MEOX2: variants seen among roughly 807,000 people sequenced by gnomAD.
MEOX2 encodes mesenchyme homeobox 2, also known as homeobox protein MOX-2.
Under a neutral mutation model 27.0 loss-of-function variants are expected in MEOX2, and 11 were observed. The observed-to-expected ratio is 0.41, with a 90% CI of 0.26 to 0.68. The LOEUF is 0.68. Among genes scored for constraint, MEOX2 ranks in the 30% least tolerant of loss-of-function variants. The pLI is 0.33. For missense variants in MEOX2, 436 were observed against 385.4 expected, an observed-to-expected ratio of 1.13 and a Z score of -1.10; for synonymous variants, 189 against 155.4, an observed-to-expected ratio of 1.22 and a Z score of -1.61.
intron 1 of MEOX2, among the ~76,000 whole-genome samples, chr7:15,636,818 T>A (rs2115367693): frequency 6.6e-6 from 1 of 152,156 alleles, no homozygotes; most frequent in African/African-American, 2.4e-5. Context: ...CAACATCTGG[T>A]GAGTGCTTTC....
At chr7:15,683,941 T>G (rs747669053) in intron 1 of MEOX2, among the ~76,000 whole-genome samples, 1 of 152,186 alleles carries the variant, frequency 6.6e-6, no homozygotes, top group Admixed American at 6.5e-5. Context: ...AGAAATGAAT[T>G]TAATTTTGTT....
intron 1 of MEOX2, among the ~76,000 whole-genome samples, chr7:15,634,143 C>A (rs750353980): frequency 1.3e-5 from 2 of 151,872 alleles, no homozygotes; most frequent in Admixed American, 1.3e-4. Flanking sequence ...AAACCAAAAT[C>A]ATTGAATGTT....
chr7:15,675,395 T>G (rs1782176403), intron 1 of MEOX2, among the ~76,000 whole-genome samples: 2 of 152,218 alleles, frequency 1.3e-5, no homozygotes, highest in African/African-American at 4.8e-5. Flanking sequence ...GCAAAGCACT[T>G]TGTCAAATTC....
chr7:15,650,699 GT>G (rs964288024), intron 1 of MEOX2, among the ~76,000 whole-genome samples: 2 of 151,652 alleles, frequency 1.3e-5, no homozygotes, highest in Admixed American at 6.6e-5. Context: ...AAAAAATTGA[GT>G]TTTTTTGGGG....
At chr7:15,643,505 T>C (rs569890711) in intron 1 of MEOX2, among the ~76,000 whole-genome samples, 128 of 152,228 alleles carry the variant, frequency 8.4e-4, no homozygotes, top group African/African-American at 3.0e-3. Flanking sequence ...GGGAGGGGGC[T>C]GCGGTTTGCA....
At chr7:15,675,300 T>A (rs1471336430) in intron 1 of MEOX2, among the ~76,000 whole-genome samples, 1 of 152,166 alleles carries the variant, frequency 6.6e-6, no homozygotes, top group Non-Finnish European at 1.5e-5. Flanking sequence ...AGAAAGTTGA[T>A]CACTGTTTAC....
chr7:15,625,972 G>A (rs748655673), intron 2 of MEOX2, among the ~76,000 whole-genome samples: 23 of 152,154 alleles, frequency 1.5e-4, no homozygotes, highest in South Asian at 6.2e-4. Flanking sequence ...TACTGACACC[G>A]ATACAATTTC....
intron 2 of MEOX2, among the ~76,000 whole-genome samples, chr7:15,622,135 C>A (rs570501139): frequency 1.7e-4 from 26 of 152,146 alleles, no homozygotes; most frequent in Admixed American, 3.3e-4. Flanking sequence ...AACACACAAA[C>A]AAAAGCAATC....
rs1445266728 is a variant in MEOX2 at position 15,626,857 on chromosome 7, T to C, written c.579A>G (p.Ala193=). 1.2e-6 allele frequency: 2 copies of C among 1,612,296 alleles called. No homozygotes were observed. Among genetic ancestry groups the C allele is most frequent in the Non-Finnish European group, 1.7e-6 (2 of 1,179,430 alleles). ...VNSKPRKERT[A]FTKEQIRELE... The stretch of plus-strand genomic sequence containing the variant: ...GTTCTCTGATTTGCTCTTTGGTAAA[T>C]GCTGTCCTTTCTTTCCTGGGTTTGC... The change falls in exon 2 of 3, where the codon GCA becomes GCG. Residue 193 remains alanine, a synonymous_variant. Coordinates refer to ENST00000262041, the MANE Select transcript of MEOX2 (RefSeq NM_005924.5).
At chr7:15,641,112 T>C (rs1314392866) in intron 1 of MEOX2, among the ~76,000 whole-genome samples, 3 of 152,136 alleles carry the variant, frequency 2.0e-5, no homozygotes, top group Non-Finnish European at 4.4e-5. Context: ...CTGTCTTGTA[T>C]GTCTGGTAGA....
chr7:15,674,792 T>C (rs1249701208), intron 1 of MEOX2, among the ~76,000 whole-genome samples: 2 of 152,226 alleles, frequency 1.3e-5, no homozygotes, highest in Admixed American at 1.3e-4. Context: ...TGTTTACACA[T>C]TGTGGGGAAG....
chr7:15,683,280 A>T (rs567012011), intron 1 of MEOX2, among the ~76,000 whole-genome samples: 14 of 152,160 alleles, frequency 9.2e-5, no homozygotes, highest in African/African-American at 3.4e-4. Context: ...TTTGGTCCTG[A>T]CTTTACCCTG....
At chr7:15,685,832 C>A in intron 1 of MEOX2, 54 bp downstream of exon 1, 1 of 1,538,144 alleles carries the variant, frequency 6.5e-7, no homozygotes, top group South Asian at 1.3e-5. Context: ...TAGTATCTCT[C>A]CGCCCCTTTT....
At chr7:15,641,967 G>A (rs1781568906) in intron 1 of MEOX2, among the ~76,000 whole-genome samples, 1 of 152,108 alleles carries the variant, frequency 6.6e-6, no homozygotes, top group African/African-American at 2.4e-5. Context: ...TAAAATCTCT[G>A]CTGAGAAATC....
chr7:15,680,982 T>G (rs1226038239), intron 1 of MEOX2: 1 of 151,496 alleles, frequency 6.6e-6, no homozygotes, highest in Non-Finnish European at 1.5e-5. Context: ...AGGGGGGAAA[T>G]GCTTATATAT....
At chr7:15,612,803 T>C (rs931436716) in intron 2 of MEOX2, among the ~76,000 whole-genome samples, 192 bp from the exon 3 acceptor site, 4 of 152,188 alleles carry the variant, frequency 2.6e-5, no homozygotes, top group Admixed American at 2.0e-4. Context: ...ATTTTTAAAG[T>C]TTCAAAAGGT....
chr7:15,686,077 C>G lies in MEOX2; in HGVS notation c.326G>C (p.Cys109Ser). 6.3e-7 allele frequency: 1 copy of G among 1,593,810 alleles called. No individual in the cohort carries two copies. The highest frequency in any genetic ancestry group is 8.5e-7 in the Non-Finnish European group (1 of 1,172,258). The change falls in exon 1 of 3, where the codon TGC becomes TCC. Residue 109 changes from cysteine (C) to serine (S), a missense_variant. By Grantham distance (112) the Cys-to-Ser change is moderately radical (BLOSUM62 -1). Transcript: ENST00000262041. ...GGGCCCTCCAGAGTCGGGCTGGAGG[C>G]AGAGGCTGTGCCGAGCCGCACTCGG... ...SPPSAARHSL[C>S]LQPDSGGPPE...
At chr7:15,650,207 C>G (rs1436642451) in intron 1 of MEOX2, among the ~76,000 whole-genome samples, 2 of 152,004 alleles carry the variant, frequency 1.3e-5, no homozygotes, top group Non-Finnish European at 2.9e-5. Context: ...CCTTTTCCAA[C>G]CTCTCTGTAA....
chr7:15,614,090 T>A (rs1393279729), intron 2 of MEOX2, among the ~76,000 whole-genome samples: 1 of 151,742 alleles, frequency 6.6e-6, no homozygotes, highest in Non-Finnish European at 1.5e-5. Context: ...GTTTTCTTTT[T>A]CTAAAAAAAT....
Sources: gnomAD v4.1 joint callset for allele counts (sites outside exome capture counted in the v4.1 genomes callset) on GRCh38, gnomAD v4.1.1 for gene constraint, MANE v1.5 for transcripts, NCBI Gene and HGNC (gene_info 2026-07-23, HGNC 2026-07-21) for gene names.